CAMSAP2: variants seen among roughly 807,000 people sequenced by gnomAD.
CAMSAP2 encodes the protein calmodulin regulated spectrin associated protein family member 2.
Under a neutral mutation model 146.1 loss-of-function variants are expected in CAMSAP2, and 26 were observed. That is an observed-to-expected ratio of 0.18 (90% CI 0.13 to 0.25). The LOEUF is 0.25. CAMSAP2 is among the 10% of genes least tolerant of loss of function. The pLI is 1.00. For synonymous variants in CAMSAP2, 499 were observed against 596.6 expected, an observed-to-expected ratio of 0.84 and a Z score of 2.38; for missense variants, 1,381 against 1,759.3, an observed-to-expected ratio of 0.78 and a Z score of 3.85.
At chr1:200,826,878 GA>G (rs534696973) in intron 4 of CAMSAP2, among the ~76,000 whole-genome samples, 22 of 147,478 alleles carry the variant, frequency 1.5e-4, no homozygotes, top group Admixed American at 6.1e-4. Flanking sequence ...CTGATAAAAA[GA>G]AAAAAAAAAT....
At chr1:200,805,226 A>G (rs796563373) in intron 2 of CAMSAP2, among the ~76,000 whole-genome samples, 11 of 152,328 alleles carry the variant, frequency 7.2e-5, no homozygotes, top group East Asian at 1.9e-4. Context: ...CAGCTTTCCT[A>G]TAAATACTGC....
rs1667673262 is a variant in CAMSAP2, at chr1:200,853,378, G to A, written c.3706G>A (p.Asp1236Asn). ...GCGGAAACAACTGAAACTAATGGAA[G>A]ATATGGATACAGTAATTAAACCCCG... ...MRRKQLKLME[D>N]MDTVIKPRPQ... The change falls in exon 13 of 17, where the codon GAT (aspartate) becomes AAT (asparagine). Residue 1236 changes from aspartate (D) to asparagine (N), a missense_variant. Around this residue, in one of 4 missense-constraint regions of CAMSAP2, gnomAD observed 560 missense variants for 715.9 expected, o/e 0.78. Coordinates refer to ENST00000358823, the MANE Select transcript of CAMSAP2 (RefSeq NM_203459.4). This position sits in a 1 kb window ranked among gnomAD's most constrained non-coding sequence, Gnocchi z 5.1. The A allele has an allele frequency of 1.2e-6, 2 of 1,613,764 alleles. No homozygotes were observed. Among genetic ancestry groups the A allele is most frequent in the Non-Finnish European group, 1.7e-6 (2 of 1,179,814 alleles).
intron 1 of CAMSAP2, among the ~76,000 whole-genome samples, chr1:200,747,099 G>A (rs537625687): frequency 6.6e-6 from 1 of 152,166 alleles, no homozygotes; most frequent in South Asian, 2.1e-4. Context: ...GGGTCTCACT[G>A]TGTTGCCCAA....
Position 200,763,333 on chromosome 1 carries a change from G to C in CAMSAP2, c.399+2235G>C, listed in dbSNP as rs12035890. On this transcript the variant is annotated intron_variant, in intron 2 of 16. Transcript: ENST00000358823. ...GCTGGCGGATCACCTGAGGTCAGGAGTTTGAGACTAGCCTGGCTAACATGG... is the reference window on the plus strand; with the variant it reads ...GCTGGCGGATCACCTGAGGTCAGGACTTTGAGACTAGCCTGGCTAACATGG... Among the ~76,000 whole-genome samples the C allele has an allele frequency of 3.9e-5, 6 of 152,216 alleles. No individual in the cohort carries two copies. In the East Asian group the frequency reaches 7.7e-4, roughly 20 times the overall value.
chr1:200,807,726 A>G (rs1666217564), intron 3 of CAMSAP2, among the ~76,000 whole-genome samples, 189 bp downstream of exon 3: 2 of 148,772 alleles, frequency 1.3e-5, no homozygotes, highest in African/African-American at 2.5e-5. Context: ...ACTTAGCAAT[A>G]TTTATGATTA....
At chr1:200,817,843 C>G (rs1435028595) in intron 4 of CAMSAP2, among the ~76,000 whole-genome samples, 1 of 152,204 alleles carries the variant, frequency 6.6e-6, no homozygotes, top group Admixed American at 6.5e-5. Flanking sequence ...CATTCTAACT[C>G]TGTTGAGGTC....
chr1:200,775,889 A>G (rs1461348943), intron 2 of CAMSAP2, among the ~76,000 whole-genome samples: 1 of 152,168 alleles, frequency 6.6e-6, no homozygotes, highest in African/African-American at 2.4e-5. Context: ...TTGGGAAAAG[A>G]CTTGATGGCA....
At chr1:200,807,102 A>G (rs1487662170) in intron 2 of CAMSAP2, among the ~76,000 whole-genome samples, 4 of 152,308 alleles carry the variant, frequency 2.6e-5, no homozygotes, top group South Asian at 2.1e-4. Flanking sequence ...TGACCATGAC[A>G]TTATAAAAAA....
chr1:200,787,509 G>A (rs776571954), intron 2 of CAMSAP2, among the ~76,000 whole-genome samples: 4 of 152,210 alleles, frequency 2.6e-5, no homozygotes, highest in Non-Finnish European at 5.9e-5. Context: ...TATCAAAATT[G>A]TCTGGATGAG....
intron 3 of CAMSAP2, 66 bp downstream of exon 3, chr1:200,807,603 C>A: frequency 3.5e-6 from 4 of 1,143,886 alleles, no homozygotes; most frequent in Non-Finnish European, 3.5e-6. Context: ...CTAAATTATA[C>A]ATTGCCACTT....
chr1:200,851,954 T>C (rs778224195), intron 11 of CAMSAP2, among the ~76,000 whole-genome samples: 5 of 152,332 alleles, frequency 3.3e-5, no homozygotes, highest in Non-Finnish European at 5.9e-5. Flanking sequence ...AGGAGGCCTA[T>C]AGATAATGAA....
At chr1:200,823,681 T>C (rs903418356) in intron 4 of CAMSAP2, among the ~76,000 whole-genome samples, 4 of 152,222 alleles carry the variant, frequency 2.6e-5, no homozygotes, top group Admixed American at 2.6e-4. Context: ...CATGATCCCT[T>C]GGTTAAGGTA....
chr1:200,773,455 CCATGTT>C (rs1665174191), intron 2 of CAMSAP2, among the ~76,000 whole-genome samples: 1 of 152,034 alleles, frequency 6.6e-6, no homozygotes, highest in Non-Finnish European at 1.5e-5. Context: ...CGGCGTTTCG[CCATGTT>C]AGCCAGGCTG....
At chr1:200,809,828 C>T (rs1202783061) in intron 3 of CAMSAP2, among the ~76,000 whole-genome samples, 2 of 152,078 alleles carry the variant, frequency 1.3e-5, no homozygotes, top group African/African-American at 4.8e-5. Flanking sequence ...GCTAAGAGAT[C>T]CCAGGTGAAG....
At chr1:200,816,610 A>ATG (rs1436483293) in intron 4 of CAMSAP2, among the ~76,000 whole-genome samples, 1 of 96,348 alleles carries the variant, frequency 1.0e-5, no homozygotes, top group Non-Finnish European at 2.2e-5. Context: ...AAAAAAATAT[A>ATG]TATATATATA....
At chr1:200,819,276 C>CT (rs1178511038) in intron 4 of CAMSAP2, among the ~76,000 whole-genome samples, 1 of 151,942 alleles carries the variant, frequency 6.6e-6, no homozygotes, top group Non-Finnish European at 1.5e-5. Context: ...GTTATTTTCT[C>CT]TTTTTTTTCC....
At chr1:200,765,844 A>G (rs1447389879) in intron 2 of CAMSAP2, among the ~76,000 whole-genome samples, 3 of 152,202 alleles carry the variant, frequency 2.0e-5, no homozygotes, top group Non-Finnish European at 4.4e-5. Context: ...GTTAAGTATT[A>G]TAAATTAAAA....
chr1:200,853,220 T>G lies in CAMSAP2; in HGVS notation c.3603-55T>G. The G allele has an allele frequency of 7.0e-7, 1 of 1,435,634 alleles. No individual in the cohort carries two copies. Among genetic ancestry groups the G allele is most frequent in the African/African-American group, 1.4e-5 (1 of 70,828 alleles). 88.9% of individuals were successfully genotyped at this position (1,435,634 alleles called of 1,614,324 possible). On this transcript the variant is annotated intron_variant, in intron 12 of 16. Transcript: ENST00000358823. This position sits in a 1 kb window ranked among gnomAD's most constrained non-coding sequence, Gnocchi z 5.1. Reference sequence around the variant, plus strand: ...TCATATCAAATACATAACTCTCTCCTGTATGGTTTGTCTTTGGTATGCAGA... The same window carrying G: ...TCATATCAAATACATAACTCTCTCCGGTATGGTTTGTCTTTGGTATGCAGA...
At chr1:200,766,323 A>T (rs1318892569) in intron 2 of CAMSAP2, among the ~76,000 whole-genome samples, 4 of 150,706 alleles carry the variant, frequency 2.7e-5, no homozygotes, top group African/African-American at 9.8e-5. Flanking sequence ...TTTTTTTATT[A>T]TTTTTTTTGT....
Sources: gnomAD v4.1 joint callset for allele counts (sites outside exome capture counted in the v4.1 genomes callset) on GRCh38, gnomAD v4.1.1 for gene constraint, gnomAD v4.1.1 regional missense constraint, Gnocchi (gnomAD v3.1) non-coding constraint, MANE v1.5 for transcripts, NCBI Gene and HGNC (gene_info 2026-07-23, HGNC 2026-07-21) for gene names.